The following ZNF320 variants were observed in gnomAD, a reference collection of about 807,000 sequenced individuals.
ZNF320 encodes the protein zinc finger protein 320, also known as zinc finger gene 320.
ZNF320 carries 2 observed loss-of-function variants against 6.8 expected under a neutral mutation model. The ratio of observed to expected loss-of-function variants is 0.29; its 90% CI spans 0.12 to 0.93. ZNF320 has a LOEUF of 0.93. Ranked by LOEUF, ZNF320 falls within the 40% of genes least tolerant of loss-of-function variation. ZNF320 has a pLI of 0.55. For missense variants in ZNF320, 472 were observed against 611.0 expected, an observed-to-expected ratio of 0.77 and a Z score of 2.40; for synonymous variants, 208 against 203.2, an observed-to-expected ratio of 1.02 and a Z score of -0.20.
rs961987921 is a variant in ZNF320 at position 52,878,230 on chromosome 19, T to C, written c.*2366A>G. ...TGTGGATGGTCTGCCTGCCACTCTG[T>C]GCATCACTTTCTTTTTTTTTTTTTT... On this transcript the variant is annotated 3_prime_UTR_variant, in exon 6 of 6. Coordinates refer to ENST00000682928, the MANE Select transcript of ZNF320 (RefSeq NM_001351774.2). The C allele has an allele frequency of 3.8e-5, 6 of 156,948 alleles. No individual in the cohort carries two copies. Among genetic ancestry groups the C allele is most frequent in the African/African-American group, 1.5e-4 (6 of 40,822 alleles). The allele number at this position is 156,948 out of a possible 1,614,324, so 9.7% of individuals were successfully genotyped here.
rs2064387461 is a variant in ZNF320 at position 52,893,847 on chromosome 19, G to A, written c.-260C>T. 6.6e-6 allele frequency: 1 copy of A among 152,134 alleles called. No homozygotes were observed. Among genetic ancestry groups the A allele is most frequent in the African/African-American group, 2.4e-5 (1 of 41,416 alleles). The allele number at this position is 152,134 out of a possible 1,614,324, so 9.4% of individuals were successfully genotyped here. A position where few individuals can be genotyped will look rare whatever the true frequency, so the allele number is the denominator to read the frequency against. ...TGAAGTGAATCAAGATCGCACAACT[G>A]CCCTCCAGCCTGGGGGACACAGCGA... On this transcript the variant is annotated 5_prime_UTR_variant, in exon 2 of 6. Transcript: ENST00000682928.
chr19:52,896,444 C>T (rs1195054698), intron 1 of ZNF320, among the ~76,000 whole-genome samples: 2 of 152,164 alleles, frequency 1.3e-5, no homozygotes, highest in Non-Finnish European at 2.9e-5. Context: ...CATGGTGGCT[C>T]ATGCCTGTAA....
chr19:52,871,637 C>T (rs1025302033), downstream of ZNF320, among the ~76,000 whole-genome samples: 7 of 152,152 alleles, frequency 4.6e-5, no homozygotes, highest in African/African-American at 1.7e-4. Context: ...CAGAAAATCA[C>T]AGAAATATGT....
exon 6 of ZNF320, chr19:52,862,788 G>T: frequency 5.6e-6 from 2 of 360,154 alleles, no homozygotes; most frequent in East Asian, 6.8e-5. Flanking sequence ...CCTATGCATT[G>T]CAAGGTGTGA....
At chr19:52,860,964 C>T (rs2063483849) in exon 6 of ZNF320, among the ~76,000 whole-genome samples, 1 of 152,136 alleles carries the variant, frequency 6.6e-6, no homozygotes, top group Non-Finnish European at 1.5e-5. Flanking sequence ...GACACCATGT[C>T]ACTGCACTTT....
chr19:52,871,396 A>G (rs2063678562), downstream of ZNF320, among the ~76,000 whole-genome samples: 1 of 152,012 alleles, frequency 6.6e-6, no homozygotes, highest in Non-Finnish European at 1.5e-5. Context: ...GCACACATCT[A>G]TGGTCCTAGC....
chr19:52,872,277 T>C (rs2063693271), downstream of ZNF320, among the ~76,000 whole-genome samples: 1 of 152,210 alleles, frequency 6.6e-6, no homozygotes, highest in Non-Finnish European at 1.5e-5. Flanking sequence ...CTCCCATAGT[T>C]TGTTTCCTTT....
At chr19:52,861,798 GGAGTGACCTCA>G (rs1385702535) in exon 6 of ZNF320, 1 of 361,110 alleles carries the variant, frequency 2.8e-6, no homozygotes, top group Admixed American at 3.6e-5. Flanking sequence ...TGTTCTGCAA[GGAGTGACCTCA>G]GACTGAAACC....
intron 5 of ZNF320, among the ~76,000 whole-genome samples, chr19:52,867,586 G>A (rs539844949): frequency 6.6e-6 from 1 of 151,998 alleles, no homozygotes. Flanking sequence ...CTCATGAATA[G>A]GACCAGTGCT....
intron 2 of ZNF320, 34 bp from the exon 3 acceptor site, chr19:52,891,380 G>C (rs1490361430): frequency 6.7e-6 from 1 of 149,976 alleles, no homozygotes; most frequent in Non-Finnish European, 1.5e-5. Flanking sequence ...AAGCGTTTCT[G>C]ATGTGATAGA....
intron 5 of ZNF320, among the ~76,000 whole-genome samples, chr19:52,887,151 T>C (rs2064117891): frequency 1.3e-5 from 2 of 152,018 alleles, no homozygotes; most frequent in South Asian, 4.2e-4. Flanking sequence ...TTGCAGAGAG[T>C]TTCCCCACAC....
At chr19:52,888,052 C>G in intron 5 of ZNF320, 75 bp downstream of exon 5, 2 of 1,599,852 alleles carry the variant, frequency 1.3e-6, no homozygotes, top group African/African-American at 2.7e-5. Context: ...AAGGATGCAA[C>G]TCCCAAGAGA....
rs773411146 is a variant in ZNF320, at chr19:52,881,022, A to G, written c.1104T>C (p.Ser368=). The G allele has an allele frequency of 1.2e-6, 2 of 1,608,442 alleles. No homozygotes were observed. Among genetic ancestry groups the G allele is most frequent in the Admixed American group, 1.7e-5 (1 of 59,336 alleles). The change falls in exon 6 of 6, where the codon AGT becomes AGC. Residue 368 remains serine, a synonymous_variant. Transcript: ENST00000682928. ...KCKVCDKAFR[S]DSRLAEHQRV... The stretch of plus-strand genomic sequence containing the variant: ...TCTGATGTTCTGCAAGACGTGAATC[A>G]CTCCGGAAAGCCTTGTCACAAACCT...
chr19:52,860,220 T>C (rs1193449863), downstream of ZNF320, among the ~76,000 whole-genome samples: 1 of 152,096 alleles, frequency 6.6e-6, no homozygotes, highest in Admixed American at 6.6e-5. Context: ...CCTGTTTTTC[T>C]TACATAGGCG....
chr19:52,882,929 A>C (rs1377314796), intron 5 of ZNF320, among the ~76,000 whole-genome samples: 1 of 151,978 alleles, frequency 6.6e-6, no homozygotes, highest in East Asian at 1.9e-4. Context: ...TGACAGAGTG[A>C]GACTCCGTCT....
chr19:52,870,205 G>A (rs1471705619), intron 5 of ZNF320, among the ~76,000 whole-genome samples: 1 of 151,838 alleles, frequency 6.6e-6, no homozygotes, highest in Admixed American at 6.6e-5. Flanking sequence ...AAATAGCCAG[G>A]TGCGGTGGCT....
At position 52,880,317 on chromosome 19, in the gene ZNF320, C is replaced by T; in HGVS notation, c.*279G>A. 3.4e-6 allele frequency: 1 copy of T among 297,458 alleles called. No individual in the cohort carries two copies. Among genetic ancestry groups the T allele is most frequent in the South Asian group, 6.1e-5 (1 of 16,324 alleles). The allele number at this position is 297,458 out of a possible 1,614,324, so 18.4% of individuals were successfully genotyped here. A position where few individuals can be genotyped will look rare whatever the true frequency, so the allele number is the denominator to read the frequency against. On this transcript the variant is annotated 3_prime_UTR_variant, in exon 6 of 6. Transcript: ENST00000682928. The stretch of plus-strand genomic sequence containing the variant: ...GAACCGAGATCACATCACTGCACTC[C>T]AACGTGGGCGACAGAGCAAGATTCC...
chr19:52,897,921 G>A (rs1026174910), upstream of ZNF320, among the ~76,000 whole-genome samples: 3 of 152,200 alleles, frequency 2.0e-5, no homozygotes, highest in Admixed American at 2.0e-4. Flanking sequence ...CGCTCTCTGC[G>A]CCTTTTTTCC....
chr19:52,899,610 T>C (rs2064563955), upstream of ZNF320, among the ~76,000 whole-genome samples: 1 of 152,088 alleles, frequency 6.6e-6, no homozygotes, highest in African/African-American at 2.4e-5. Flanking sequence ...CTACAGGTGC[T>C]GCCACCGCAC....
Sources: gnomAD v4.1 joint callset for allele counts (sites outside exome capture counted in the v4.1 genomes callset) on GRCh38, gnomAD v4.1.1 for gene constraint, MANE v1.5 for transcripts, NCBI Gene and HGNC (gene_info 2026-07-23, HGNC 2026-07-21) for gene names.